The following UNC5C variants were observed in gnomAD, a reference collection of about 807,000 sequenced individuals.
UNC5C encodes the protein netrin receptor UNC5C.
In UNC5C, 47 loss-of-function variants were observed where a neutral mutation model predicts 99.8. The ratio of observed to expected loss-of-function variants is 0.47; its 90% CI spans 0.37 to 0.60. The LOEUF is 0.60. Among genes scored for constraint, UNC5C ranks in the 20% least tolerant of loss-of-function variants. UNC5C has a pLI of 0.00. For synonymous variants in UNC5C, 487 were observed against 452.2 expected (o/e 1.08, Z -0.98); for missense variants, 1,062 against 1,165.9 (o/e 0.91, Z 1.30).
At chr4:95,306,596 G>A (rs1237827860) in intron 2 of UNC5C, among the ~76,000 whole-genome samples, 3 of 152,054 alleles carry the variant, frequency 2.0e-5, no homozygotes, top group Non-Finnish European at 4.4e-5. Flanking sequence ...GTGAATTTGC[G>A]CCTTCTGATA....
intron 1 of UNC5C, among the ~76,000 whole-genome samples, chr4:95,452,649 T>C (rs2149467976): frequency 6.6e-6 from 1 of 152,288 alleles, no homozygotes. Context: ...TAGGTAGCAC[T>C]ATCTTCACAG....
rs888717263 is a variant in UNC5C at position 95,245,259 on chromosome 4, A to G, written c.776-115T>C. The G allele has an allele frequency of 1.2e-5, 15 of 1,244,954 alleles. No individual in the cohort carries two copies. In the African/African-American group the frequency reaches 2.3e-4, roughly 19 times the overall value. 77.1% of individuals were successfully genotyped at this position (1,244,954 alleles called of 1,614,324 possible). A position where few individuals can be genotyped will look rare whatever the true frequency, so the allele number is the denominator to read the frequency against. ...AAGAGTTATTTTCCAAGCGACCATT[A>G]TAAAAATCCAAAATTTCAAAGCCAG... On this transcript the variant is annotated intron_variant, in intron 5 of 15. Transcript: ENST00000453304.
At chr4:95,304,486 A>AT (rs536135294) in intron 2 of UNC5C, among the ~76,000 whole-genome samples, 57 of 151,758 alleles carry the variant, frequency 3.8e-4, no homozygotes, top group African/African-American at 5.1e-4. Context: ...ATCTTATTGT[A>AT]TTTTTTCACA....
At position 95,539,194 on chromosome 4, in the gene UNC5C, G is replaced by A. The variant is rs190430825; in HGVS notation, c.124+9540C>T. Among the ~76,000 whole-genome samples, 516 of 152,280 alleles carry A rather than the reference G, an allele frequency of 3.4e-3. 9 individuals are homozygous for A. The highest frequency in any genetic ancestry group is 0.014 in the Middle Eastern group (4 of 294). On this transcript the variant is annotated intron_variant, in intron 1 of 15. Transcript: ENST00000453304. ...TGTGAAGAAAGGATTTTACTCCTGC[G>A]TGCACTGCATGCATAAAAGTCGACA...
At chr4:95,545,783 C>T (rs1723045065) in intron 1 of UNC5C, among the ~76,000 whole-genome samples, 1 of 151,904 alleles carries the variant, frequency 6.6e-6, no homozygotes, top group Non-Finnish European at 1.5e-5. Flanking sequence ...CACACACACA[C>T]ACACACACAC....
chr4:95,344,149 A>G (rs1158175009), intron 1 of UNC5C, among the ~76,000 whole-genome samples: 2 of 152,022 alleles, frequency 1.3e-5, no homozygotes, highest in Non-Finnish European at 2.9e-5. Flanking sequence ...ACATTTAATA[A>G]TCAAACTCCC....
At chr4:95,538,369 T>C (rs1722831171) in intron 1 of UNC5C, among the ~76,000 whole-genome samples, 1 of 152,182 alleles carries the variant, frequency 6.6e-6, no homozygotes, top group Non-Finnish European at 1.5e-5. Flanking sequence ...CTCAAGTGTG[T>C]TGTTTGAACA....
chr4:95,197,523 G>A (rs1048501863), intron 12 of UNC5C, among the ~76,000 whole-genome samples: 5 of 152,136 alleles, frequency 3.3e-5, no homozygotes, highest in African/African-American at 9.7e-5. Flanking sequence ...AGTGAGAAGA[G>A]GCTGAAGTAA....
chr4:95,548,727 C>T lies in UNC5C; in HGVS notation c.124+7G>A, dbSNP rs1723145490. 6.8e-6 allele frequency: 11 copies of T among 1,612,456 alleles called. No homozygotes were observed. Among genetic ancestry groups the T allele is most frequent in the Non-Finnish European group, 7.6e-6 (9 of 1,179,414 alleles). On this transcript the variant is annotated splice_region_variant and intron_variant, in intron 1 of 15. Coordinates refer to ENST00000453304, the MANE Select transcript of UNC5C (RefSeq NM_003728.4). ...AGGTGGCCGCGGAGCTTGGCGGACC[C>T]CCTTACCTTGGGCGGCGGAGCCAGT...
chr4:95,285,165 G>T (rs373803430), intron 3 of UNC5C, among the ~76,000 whole-genome samples: 3 of 152,156 alleles, frequency 2.0e-5, no homozygotes, highest in Non-Finnish European at 2.9e-5. Flanking sequence ...TATGCAGAAA[G>T]ATTTATTTAT....
intron 4 of UNC5C, among the ~76,000 whole-genome samples, chr4:95,255,210 C>T (rs551260855): frequency 6.6e-6 from 1 of 152,046 alleles, no homozygotes; most frequent in East Asian, 1.9e-4. Flanking sequence ...GAACTCCTGA[C>T]CTCAAGTGAT....
At chr4:95,366,071 C>A (rs1201522338) in intron 1 of UNC5C, among the ~76,000 whole-genome samples, 2 of 152,082 alleles carry the variant, frequency 1.3e-5, no homozygotes, top group Non-Finnish European at 2.9e-5. Context: ...GGTCCTGTCA[C>A]AAAGGGCCTG....
intron 2 of UNC5C, among the ~76,000 whole-genome samples, chr4:95,308,507 C>T (rs929610718): frequency 4.0e-5 from 6 of 151,892 alleles, no homozygotes; most frequent in African/African-American, 1.4e-4. Flanking sequence ...AATCCCAGCA[C>T]TTTGGGAGGC....
intron 5 of UNC5C, 52 bp downstream of exon 5, chr4:95,250,435 G>T: frequency 6.4e-7 from 1 of 1,555,684 alleles, no homozygotes; most frequent in South Asian, 1.2e-5. Context: ...CGATGCCAAC[G>T]AGAAACTGCA....
chr4:95,258,246 C>A (rs781405290), intron 4 of UNC5C, among the ~76,000 whole-genome samples: 22 of 152,136 alleles, frequency 1.4e-4, no homozygotes, highest in Non-Finnish European at 2.8e-4. Context: ...GTAAGCTAAT[C>A]TTGGTTAACC....
intron 1 of UNC5C, among the ~76,000 whole-genome samples, chr4:95,424,770 T>G (rs1051605145): frequency 6.6e-6 from 1 of 151,634 alleles, no homozygotes; most frequent in Non-Finnish European, 1.5e-5. Context: ...TGATCCGCCC[T>G]CCTTGGCCTC....
At chr4:95,379,524 T>G (rs1744997637) in intron 1 of UNC5C, among the ~76,000 whole-genome samples, 1 of 152,146 alleles carries the variant, frequency 6.6e-6, no homozygotes, top group African/African-American at 2.4e-5. Context: ...GCCTTCCTAT[T>G]CCCCAAGCGG....
chr4:95,235,205 C>A (rs1739064142), intron 7 of UNC5C, among the ~76,000 whole-genome samples: 1 of 152,152 alleles, frequency 6.6e-6, no homozygotes, highest in Non-Finnish European at 1.5e-5. Context: ...ATTCAGAGAG[C>A]CATGCTTCCA....
chr4:95,518,764 T>C (rs552637745), intron 1 of UNC5C, among the ~76,000 whole-genome samples: 1 of 152,336 alleles, frequency 6.6e-6, no homozygotes, highest in East Asian at 1.9e-4. Context: ...TATAATTAAA[T>C]AAAACATTAA....
Sources: allele counts gnomAD v4.1 joint callset (sites outside exome capture counted in the v4.1 genomes callset), GRCh38; gene constraint gnomAD v4.1.1; transcripts MANE v1.5; gene names NCBI Gene and HGNC (gene_info 2026-07-23, HGNC 2026-07-21).